EPHA6: variants seen among roughly 807,000 people sequenced by gnomAD.
The protein encoded by EPHA6 is ephrin type-A receptor 6.
A neutral mutation model predicts 112.0 loss-of-function variants in EPHA6; 50 were observed. That is an observed-to-expected ratio of 0.45 (90% CI 0.36 to 0.56). The LOEUF (loss-of-function observed/expected upper bound fraction) is 0.56, where lower values mean the gene tolerates loss of function less well. Among genes scored for constraint, EPHA6 ranks in the 20% least tolerant of loss-of-function variants. The pLI is 0.00. For missense variants in EPHA6, 1,280 were observed against 1,417.4 expected, an observed-to-expected ratio of 0.90 and a Z score of 1.56; for synonymous variants, 529 against 490.7, an observed-to-expected ratio of 1.08 and a Z score of -1.03.
At chr3:97,341,546 G>T (rs1027219619) in intron 5 of EPHA6, among the ~76,000 whole-genome samples, 57 of 151,992 alleles carry the variant, frequency 3.8e-4, no homozygotes, top group African/African-American at 1.3e-3. Context: ...GTAGAGACGG[G>T]GTTTCACCAT....
intron 3 of EPHA6, among the ~76,000 whole-genome samples, chr3:97,168,296 G>A (rs1014240950): frequency 1.3e-5 from 2 of 152,038 alleles, no homozygotes; most frequent in East Asian, 1.9e-4. Context: ...ACTTTGATAT[G>A]GTTTGGCTCT....
intron 5 of EPHA6, among the ~76,000 whole-genome samples, chr3:97,266,356 G>A (rs9829271): frequency 0.02 from 3,053 of 152,060 alleles, 88 homozygotes; most frequent in African/African-American, 0.068. Flanking sequence ...CCAGTTTACC[G>A]TATTCTAATC....
chr3:97,273,543 G>A (rs1051578114), intron 5 of EPHA6, among the ~76,000 whole-genome samples: 13 of 152,112 alleles, frequency 8.5e-5, no homozygotes, highest in African/African-American at 4.8e-5. Flanking sequence ...TTCCGAGGAC[G>A]GGCCTGAATT....
rs34766006 is a variant in EPHA6 at position 97,619,433 on chromosome 3, AGGG to A, written c.2574+8589_2574+8591del. ...TACAGAGCAATCAGACAATAGAAAA[AGGG>A]GGGGGGGGGCATCCAAATAGGAAGA... On this transcript the variant is annotated intron_variant, in intron 13 of 17. Coordinates refer to ENST00000389672, the MANE Select transcript of EPHA6 (RefSeq NM_001080448.3). Among the ~76,000 whole-genome samples, 114 of 113,358 alleles carry A rather than the reference AGGG, an allele frequency of 1.0e-3. 1 individual carries two copies. Among genetic ancestry groups the A allele is most frequent in the South Asian group, 3.7e-3 (11 of 3,000 alleles). 74.4% of individuals were successfully genotyped at this position (113,358 alleles called of 152,430 possible).
chr3:97,173,360 A>G (rs1312135009), intron 3 of EPHA6, among the ~76,000 whole-genome samples: 1 of 151,940 alleles, frequency 6.6e-6, no homozygotes. Context: ...TCCCAATGCC[A>G]GACCAATGTG....
intron 10 of EPHA6, among the ~76,000 whole-genome samples, chr3:97,489,123 G>T (rs2091770267): frequency 1.3e-5 from 2 of 152,250 alleles, no homozygotes; most frequent in Middle Eastern, 3.4e-3. Context: ...TTAATAAAAG[G>T]ATTAGAAATG....
chr3:97,480,672 T>C (rs1162572896), intron 9 of EPHA6, among the ~76,000 whole-genome samples: 3 of 152,230 alleles, frequency 2.0e-5, no homozygotes, highest in Non-Finnish European at 4.4e-5. Flanking sequence ...CTCTTTCTTT[T>C]CCCCACATTT....
chr3:97,467,879 A>G (rs1000285321), intron 7 of EPHA6, among the ~76,000 whole-genome samples: 7 of 151,714 alleles, frequency 4.6e-5, no homozygotes, highest in Admixed American at 1.3e-4. Context: ...TTAAAATAAA[A>G]AAAAGTCAGA....
chr3:97,425,547 C>G (rs1459589069), intron 6 of EPHA6, among the ~76,000 whole-genome samples: 2 of 152,128 alleles, frequency 1.3e-5, no homozygotes, highest in Non-Finnish European at 2.9e-5. Context: ...GGCCCTGGGC[C>G]CAGCCATGAA....
chr3:97,675,773 T>C (rs1319567571), intron 14 of EPHA6, among the ~76,000 whole-genome samples: 1 of 152,164 alleles, frequency 6.6e-6, no homozygotes, highest in African/African-American at 2.4e-5. Flanking sequence ...CATCAAAAAA[T>C]AGACTATCAT....
intron 3 of EPHA6, among the ~76,000 whole-genome samples, chr3:97,103,409 C>T (rs775134722): frequency 9.2e-5 from 14 of 152,202 alleles, no homozygotes; most frequent in Admixed American, 2.0e-4. Flanking sequence ...GTTCTTTCCC[C>T]ATTGCCTGTT....
chr3:97,149,550 C>T (rs1485766290), intron 3 of EPHA6, among the ~76,000 whole-genome samples: 2 of 151,662 alleles, frequency 1.3e-5, no homozygotes, highest in Non-Finnish European at 2.9e-5. Flanking sequence ...AAGGTGTCTC[C>T]AAGGCTTTGT....
At chr3:97,419,158 C>A (rs868525639) in intron 6 of EPHA6, among the ~76,000 whole-genome samples, 1 of 152,042 alleles carries the variant, frequency 6.6e-6, no homozygotes, top group African/African-American at 2.4e-5. Context: ...TACAAAATTG[C>A]GGGGCATGGT....
intron 2 of EPHA6, among the ~76,000 whole-genome samples, chr3:96,962,353 T>C (rs930576010): frequency 4.6e-5 from 7 of 151,544 alleles, no homozygotes; most frequent in African/African-American, 1.5e-4. Flanking sequence ...ATGATAAGAA[T>C]TGTGCTTTAG....
chr3:97,177,941 T>A (rs1485495423), intron 3 of EPHA6, among the ~76,000 whole-genome samples: 2 of 152,056 alleles, frequency 1.3e-5, no homozygotes, highest in Admixed American at 6.6e-5. Flanking sequence ...TTTGGTCCAT[T>A]TACATTCAAT....
At position 97,747,449 on chromosome 3, in the gene EPHA6, C is replaced by T. The variant is rs778168979; in HGVS notation, c.3155C>T (p.Pro1052Leu). 1.6e-5 allele frequency: 26 copies of T among 1,581,818 alleles called. No individual in the cohort carries two copies. Among genetic ancestry groups the T allele is most frequent in the South Asian group, 1.6e-4 (14 of 86,194 alleles). Residue 1052 changes from proline (P) to leucine (L), a missense_variant, in exon 17 of 18, where the codon CCG (proline) becomes CTG (leucine). Transcript: ENST00000389672. ...ATGCCAGAGTCCCCTGGTGAAGTTC[C>T]GGAATATCCTTTGTTTGTCACAGTT... The part of the protein sequence containing the change: ...LVMPESPGEV[P>L]EYPLFVTVGD...
chr3:97,530,604 A>C (rs2107644610), intron 10 of EPHA6, among the ~76,000 whole-genome samples: 1 of 152,088 alleles, frequency 6.6e-6, no homozygotes, highest in Non-Finnish European at 1.5e-5. Context: ...CTAAGAAAAA[A>C]AAAACAGGAT....
rs137858730 is a variant in EPHA6 at position 97,509,401 on chromosome 3, C to T, written c.2201-22957C>T. ...GCCTGGTGGTGACAAAATCTCTCAGCGTTTGCTTGTCTGTAAAGGATTTTA... is the reference window on the plus strand; with the variant it reads ...GCCTGGTGGTGACAAAATCTCTCAGTGTTTGCTTGTCTGTAAAGGATTTTA... On this transcript the variant is annotated intron_variant, in intron 10 of 17. Coordinates refer to ENST00000389672, the MANE Select transcript of EPHA6 (RefSeq NM_001080448.3). Among the ~76,000 whole-genome samples the T allele has an allele frequency of 6.7e-3, 1,016 of 152,110 alleles. 13 individuals are homozygous for T. The highest frequency in any genetic ancestry group is 0.022 in the African/African-American group (933 of 41,514).
intron 2 of EPHA6, among the ~76,000 whole-genome samples, chr3:96,966,877 T>C (rs1257121065): frequency 6.6e-6 from 1 of 152,080 alleles, no homozygotes; most frequent in East Asian, 1.9e-4. Flanking sequence ...TAATATTTAC[T>C]GTGTTAAGTA....
Sources: allele counts gnomAD v4.1 joint callset (sites outside exome capture counted in the v4.1 genomes callset), GRCh38; gene constraint gnomAD v4.1.1; transcripts MANE v1.5; gene names NCBI Gene and HGNC (gene_info 2026-07-23, HGNC 2026-07-21).